The following PELI1 variants were observed in gnomAD, a reference collection of about 807,000 sequenced individuals.
PELI1 encodes pellino E3 ubiquitin protein ligase 1.
Under a neutral mutation model 41.3 loss-of-function variants are expected in PELI1, and 15 were observed. That is an observed-to-expected ratio of 0.36 (90% CI 0.24 to 0.56). The LOEUF (loss-of-function observed/expected upper bound fraction) is 0.56. PELI1 is among the 20% of genes least tolerant of loss of function. The probability of loss-of-function intolerance (pLI) is 0.82; values close to 1 mark genes in which losing one functional copy is unlikely to be tolerated. For missense variants in PELI1, 403 were observed against 525.5 expected, an observed-to-expected ratio of 0.77 and a Z score of 2.28; for synonymous variants, 178 against 180.1, an observed-to-expected ratio of 0.99 and a Z score of 0.09.
chr2:64,096,566 G>A lies in PELI1; in HGVS notation c.348C>T (p.Asp116=). The change falls in exon 5 of 7, where the codon GAC becomes GAT. Residue 116 remains aspartate, a synonymous_variant. Transcript: ENST00000358912. ...TESPIDFVVT[D]TVPGSQSNSD... ...AATTACTTTGACTTCCAGGAACCGTGTCAGTTACTACAAAATCAATGGGGC... is the reference window on the plus strand; with the variant it reads ...AATTACTTTGACTTCCAGGAACCGTATCAGTTACTACAAAATCAATGGGGC... The A allele has an allele frequency of 6.2e-7, 1 of 1,612,666 alleles. No individual in the cohort carries two copies. Among genetic ancestry groups the A allele is most frequent in the Non-Finnish European group, 8.5e-7 (1 of 1,178,984 alleles).
At chr2:64,127,208 A>G (rs1426076177) in intron 1 of PELI1, among the ~76,000 whole-genome samples, 1 of 152,254 alleles carries the variant, frequency 6.6e-6, no homozygotes, top group African/African-American at 2.4e-5. Flanking sequence ...ATAAAGGAGA[A>G]TGAAAGCACA....
intron 2 of PELI1, among the ~76,000 whole-genome samples, chr2:64,107,298 T>C (rs909081832): frequency 6.6e-6 from 1 of 152,200 alleles, no homozygotes. Flanking sequence ...GTCTCCATTT[T>C]GATAGTTAAT....
intron 1 of PELI1, among the ~76,000 whole-genome samples, chr2:64,129,839 A>G (rs768560199): frequency 1.5e-4 from 23 of 152,228 alleles, no homozygotes; most frequent in Non-Finnish European, 2.8e-4. Flanking sequence ...TGATCCACAT[A>G]AAGTCACAGG....
intron 2 of PELI1, 74 bp from the exon 3 acceptor site, chr2:64,104,904 C>A (rs989670975): frequency 1.5e-6 from 2 of 1,291,990 alleles, no homozygotes; most frequent in East Asian, 2.4e-5. Context: ...TTGACTTTGC[C>A]TTGCAGAATC....
At chr2:64,127,011 A>G (rs1236153540) in intron 1 of PELI1, among the ~76,000 whole-genome samples, 7 of 152,238 alleles carry the variant, frequency 4.6e-5, no homozygotes, top group Non-Finnish European at 1.0e-4. Context: ...GAATCAAAAA[A>G]CAAAAAGTAT....
chr2:64,114,925 C>T (rs1431047115), intron 1 of PELI1, among the ~76,000 whole-genome samples: 2 of 151,858 alleles, frequency 1.3e-5, no homozygotes, highest in African/African-American at 2.4e-5. Flanking sequence ...CTTTTTTTGG[C>T]ATACTTCTTG....
intron 1 of PELI1, among the ~76,000 whole-genome samples, chr2:64,141,741 G>T (rs767808522): frequency 1.3e-5 from 2 of 152,202 alleles, no homozygotes; most frequent in African/African-American, 2.4e-5. Flanking sequence ...ACTTGCCTCA[G>T]TGGCATTTGG....
In PELI1 at chr2:64,100,514, G is replaced by A; in HGVS notation, c.202-15C>T. 7.6e-7 allele frequency: 1 copy of A among 1,323,408 alleles called. No individual in the cohort carries two copies. The highest frequency in any genetic ancestry group is 1.2e-5 in the South Asian group (1 of 84,036). The allele number at this position is 1,323,408 out of a possible 1,614,324, so 82.0% of individuals were successfully genotyped here. On this transcript the variant is annotated splice_polypyrimidine_tract_variant and intron_variant, in intron 3 of 6. Transcript: ENST00000358912. Reference sequence around the variant, plus strand: ...TTGCTTATTGCCTAAGAATGAAAAAGTTAATAGCAAAAATTAGTAGGCAGG... The same window carrying A: ...TTGCTTATTGCCTAAGAATGAAAAAATTAATAGCAAAAATTAGTAGGCAGG...
At chr2:64,109,605 G>A (rs1454705114) in intron 1 of PELI1, among the ~76,000 whole-genome samples, 2 of 152,148 alleles carry the variant, frequency 1.3e-5, no homozygotes, top group African/African-American at 2.4e-5. Flanking sequence ...ACTTGAACCC[G>A]GGAGGAGGAG....
At chr2:64,100,620 C>T (rs1680394623) in intron 3 of PELI1, 121 bp from the exon 4 acceptor site, 1 of 683,048 alleles carries the variant, frequency 1.5e-6, no homozygotes, top group Admixed American at 2.6e-5. Flanking sequence ...CATTTTCCCC[C>T]TGAAATTTAG....
chr2:64,095,261 A>G lies in PELI1; in HGVS notation c.698T>C (p.Ile233Thr), dbSNP rs770284315. Residue 233 changes from isoleucine to threonine, a missense_variant, in exon 7 of 7, where the codon ATT becomes ACT. Physicochemically the swap from Ile to Thr is moderately conservative, Grantham distance 89. Transcript: ENST00000358912. The stretch of plus-strand genomic sequence containing the variant: ...GCCATCTTGTAACTGATTGGTTTCA[A>G]TTTCCACCTAGAGGAGACAAGAGTT... ...SAQQRGKMVEIETNQLQDGSL... is the reference protein window; with the variant it reads ...SAQQRGKMVETETNQLQDGSL... The G allele has an allele frequency of 2.5e-6, 4 of 1,611,044 alleles. No homozygotes were observed. Among genetic ancestry groups the G allele is most frequent in the East Asian group, 2.2e-5 (1 of 44,868 alleles).
intron 1 of PELI1, among the ~76,000 whole-genome samples, chr2:64,110,247 GAAAAAAAA>G (rs796716135): frequency 4.0e-5 from 4 of 100,798 alleles, no homozygotes; most frequent in East Asian, 2.9e-4. Flanking sequence ...TCCGTCTCAA[GAAAAAAAA>G]AAAAAAAAAA....
At chr2:64,141,453 T>A (rs1371092923) in intron 1 of PELI1, among the ~76,000 whole-genome samples, 2 of 152,178 alleles carry the variant, frequency 1.3e-5, no homozygotes, top group African/African-American at 4.8e-5. Flanking sequence ...TAGGTCTACA[T>A]TGATGTATTA....
At chr2:64,110,371 T>C (rs187819385) in intron 1 of PELI1, among the ~76,000 whole-genome samples, 93 of 151,460 alleles carry the variant, frequency 6.1e-4, no homozygotes, top group Admixed American at 1.8e-3. Context: ...ACCCAGAAGA[T>C]AGTGGCATAG....
intron 1 of PELI1, among the ~76,000 whole-genome samples, chr2:64,137,832 T>C (rs1172833657): frequency 3.9e-5 from 6 of 152,200 alleles, no homozygotes; most frequent in Admixed American, 1.3e-4. Context: ...TAATGAGCTA[T>C]TTTCACGTGT....
intron 1 of PELI1, among the ~76,000 whole-genome samples, chr2:64,133,894 A>G (rs1681637405): frequency 6.6e-6 from 1 of 152,146 alleles, no homozygotes; most frequent in Admixed American, 6.5e-5. Flanking sequence ...TAAAAGATTT[A>G]AAATGAAGCC....
At chr2:64,115,029 C>G (rs546882952) in intron 1 of PELI1, among the ~76,000 whole-genome samples, 23 of 152,092 alleles carry the variant, frequency 1.5e-4, no homozygotes, top group African/African-American at 5.3e-4. Context: ...TAGTAAAGGC[C>G]GTGTAGTTGA....
At chr2:64,109,784 A>C (rs1417134912) in intron 1 of PELI1, among the ~76,000 whole-genome samples, 2 of 152,258 alleles carry the variant, frequency 1.3e-5, no homozygotes, top group African/African-American at 4.8e-5. Context: ...AGCAGCTATG[A>C]TAAAACTGAA....
At chr2:64,115,733 A>G (rs550763981) in intron 1 of PELI1, among the ~76,000 whole-genome samples, 2 of 152,324 alleles carry the variant, frequency 1.3e-5, no homozygotes, top group South Asian at 4.1e-4. Context: ...TCATTACTCC[A>G]CACCCTAGAC....
Sources: allele counts gnomAD v4.1 joint callset (sites outside exome capture counted in the v4.1 genomes callset), GRCh38; gene constraint gnomAD v4.1.1; transcripts MANE v1.5; gene names NCBI Gene and HGNC (gene_info 2026-07-23, HGNC 2026-07-21).